Variants in CACNA1E observed in about 807,000 individuals in gnomAD.
CACNA1E encodes the protein calcium voltage-gated channel subunit alpha1 E.
CACNA1E carries 40 observed loss-of-function variants against 259.2 expected under a neutral mutation model. That is an observed-to-expected ratio of 0.15 (90% CI 0.12 to 0.20). The LOEUF (loss-of-function observed/expected upper bound fraction) is 0.20. Ranked by LOEUF, CACNA1E falls within the 10% of genes least tolerant of loss-of-function variation. The pLI is 1.00. For synonymous variants in CACNA1E, 1,104 were observed against 1,138.5 expected, an observed-to-expected ratio of 0.97 and a Z score of 0.61; for missense variants, 1,874 against 3,040.1, an observed-to-expected ratio of 0.62 and a Z score of 9.02.
chr1:181,338,010 CT>C (rs1251332508), intron 1 of CACNA1E, among the ~76,000 whole-genome samples: 2 of 152,190 alleles, frequency 1.3e-5, no homozygotes, highest in African/African-American at 2.4e-5. Context: ...TCTCTACACC[CT>C]TGCCAACACA....
chr1:181,482,942 C>T (rs965421221), upstream of CACNA1E, among the ~76,000 whole-genome samples: 1 of 152,282 alleles, frequency 6.6e-6, no homozygotes, highest in Non-Finnish European at 1.5e-5. Flanking sequence ...TCGCTGCTCT[C>T]TGGATGCTGC....
intron 1 of CACNA1E, among the ~76,000 whole-genome samples, chr1:181,332,639 G>A (rs2102602342): frequency 6.6e-6 from 1 of 152,206 alleles, no homozygotes; most frequent in Admixed American, 6.5e-5. Context: ...TAGTTTGGTG[G>A]GTGGGGAGCA....
At chr1:181,401,018 C>T (rs1374749589) in intron 1 of CACNA1E, among the ~76,000 whole-genome samples, 1 of 152,130 alleles carries the variant, frequency 6.6e-6, no homozygotes. Context: ...GTGATCTGCC[C>T]CCCAACATTA....
At chr1:181,768,896 C>T (rs1037682069) in intron 35 of CACNA1E, among the ~76,000 whole-genome samples, 2 of 152,178 alleles carry the variant, frequency 1.3e-5, no homozygotes, top group Non-Finnish European at 2.9e-5. Flanking sequence ...AGGGCAGAGA[C>T]AAGCTTTTGG....
At chr1:181,605,080 T>C (rs1463485077) in intron 6 of CACNA1E, among the ~76,000 whole-genome samples, 1 of 151,806 alleles carries the variant, frequency 6.6e-6, no homozygotes, top group Non-Finnish European at 1.5e-5. Flanking sequence ...AGAGATTGAG[T>C]GAGGGAGGAG....
At chr1:181,680,105 CAAAAAAAA>C (rs56198008) in intron 7 of CACNA1E, among the ~76,000 whole-genome samples, 5 of 78,500 alleles carry the variant, frequency 6.4e-5, no homozygotes, top group African/African-American at 2.3e-4. Context: ...GACCTTGTCT[CAAAAAAAA>C]AAAAAAAAAA....
chr1:181,581,533 G>C (rs1651543312), intron 6 of CACNA1E, among the ~76,000 whole-genome samples: 1 of 152,148 alleles, frequency 6.6e-6, no homozygotes, highest in East Asian at 1.9e-4. Context: ...TGTTGAGAAG[G>C]TTCTGAGTTG....
chr1:181,661,428 A>G (rs1005190562), intron 7 of CACNA1E, among the ~76,000 whole-genome samples: 1 of 152,046 alleles, frequency 6.6e-6, no homozygotes, highest in Non-Finnish European at 1.5e-5. Flanking sequence ...AGGACTCGGG[A>G]CTGTGTGGGT....
chr1:181,500,590 T>G (rs1317770442), intron 1 of CACNA1E, among the ~76,000 whole-genome samples: 1 of 152,258 alleles, frequency 6.6e-6, no homozygotes, highest in African/African-American at 2.4e-5. Flanking sequence ...TGTCTTCGGA[T>G]GGGTACTCTG....
intron 3 of CACNA1E, among the ~76,000 whole-genome samples, chr1:181,515,534 G>T (rs1169399216): frequency 6.6e-6 from 1 of 152,182 alleles, no homozygotes; most frequent in East Asian, 1.9e-4. Flanking sequence ...AAAGACAGTG[G>T]AATTTGCCAT....
rs1471054866 is a variant in CACNA1E, at chr1:181,776,736, T to A, written c.5267+508T>A. ...AACTGTTCCCTTAAATATTTGTGGA[T>A]TTTTATTACATGGAACTAAATTAAA... On this transcript the variant is annotated intron_variant, in intron 38 of 47. Coordinates refer to ENST00000367573, the MANE Select transcript of CACNA1E (RefSeq NM_001205293.3). This position sits in a 1 kb window ranked among gnomAD's most constrained non-coding sequence, Gnocchi z 4.4. 6.6e-6 allele frequency among the ~76,000 whole-genome samples: 1 copy of A among 152,226 alleles called. No individual in the cohort carries two copies. The highest frequency in any genetic ancestry group is 1.5e-5 in the Non-Finnish European group (1 of 68,044).
intron 43 of CACNA1E, among the ~76,000 whole-genome samples, chr1:181,788,244 G>A (rs1165207823): frequency 6.6e-6 from 1 of 152,190 alleles, no homozygotes; most frequent in Non-Finnish European, 1.5e-5. Flanking sequence ...GATTCTGGGT[G>A]AAGCCTTTGG....
intron 1 of CACNA1E, among the ~76,000 whole-genome samples, chr1:181,401,052 A>G (rs1261941043): frequency 6.6e-6 from 1 of 151,662 alleles, no homozygotes; most frequent in Non-Finnish European, 1.5e-5. Flanking sequence ...ATCTGCTGCT[A>G]CTCCTGTTCT....
At chr1:181,368,510 T>C (rs1470882517) in intron 1 of CACNA1E, among the ~76,000 whole-genome samples, 4 of 152,026 alleles carry the variant, frequency 2.6e-5, no homozygotes, top group Non-Finnish European at 4.4e-5. Context: ...GAAGGTTGAG[T>C]TGTGTAACAA....
intron 3 of CACNA1E, among the ~76,000 whole-genome samples, chr1:181,554,704 G>C (rs10910956): frequency 0.36 from 54,600 of 151,996 alleles, 10,819 homozygotes; most frequent in Middle Eastern, 0.46. Context: ...GTGTACTGAC[G>C]TACGGCTGAA....
At chr1:181,385,807 C>G (rs1223940848) in intron 1 of CACNA1E, among the ~76,000 whole-genome samples, 1 of 150,808 alleles carries the variant, frequency 6.6e-6, no homozygotes, top group Non-Finnish European at 1.5e-5. Context: ...TCCCTCCCTC[C>G]GTTTCTCCAT....
intron 6 of CACNA1E, among the ~76,000 whole-genome samples, chr1:181,611,377 AT>A (rs1416311279): frequency 1.3e-5 from 2 of 148,612 alleles, no homozygotes; most frequent in Non-Finnish European, 3.0e-5. Flanking sequence ...AGTTACTTCC[AT>A]TTTTGCTTGA....
chr1:181,456,363 A>G (rs1008645618), intron 2 of CACNA1E, among the ~76,000 whole-genome samples: 1 of 152,198 alleles, frequency 6.6e-6, no homozygotes, highest in Non-Finnish European at 1.5e-5. Flanking sequence ...GTTCTGGACT[A>G]GGAGGAGTTG....
rs1662014050 is a variant in CACNA1E at position 181,798,497 on chromosome 1, G to A, written c.6605G>A (p.Ser2202Asn). ...CCGCTGACCTCCCAAGCTCTGGAGA[G>A]CAACAATGCTTGCCTGACCGAGTCT... is the stretch of plus-strand genomic sequence containing the variant. ...GSPLTSQALE[S>N]NNACLTESSN... The change falls in exon 48 of 48, where the codon AGC becomes AAC. Residue 2202 changes from serine (S) to asparagine (N), a missense_variant. Coordinates refer to ENST00000367573, the MANE Select transcript of CACNA1E (RefSeq NM_001205293.3). The surrounding 1 kb of genome is among the most constrained non-coding windows in gnomAD (Gnocchi z 4.2). The A allele has an allele frequency of 6.2e-7, 1 of 1,613,906 alleles. No individual in the cohort carries two copies. The highest frequency in any genetic ancestry group is 2.2e-5 in the East Asian group (1 of 44,874).
Sources: allele counts gnomAD v4.1 joint callset (sites outside exome capture counted in the v4.1 genomes callset), GRCh38; gene constraint gnomAD v4.1.1; non-coding constraint Gnocchi (gnomAD v3.1); transcripts MANE v1.5; gene names NCBI Gene and HGNC (gene_info 2026-07-23, HGNC 2026-07-21).